Variants in PCDHGB5 observed in about 807,000 individuals in gnomAD.
PCDHGB5 encodes protocadherin gamma-B5.
Under a neutral mutation model 62.9 loss-of-function variants are expected in PCDHGB5, and 48 were observed. The observed-to-expected ratio is 0.76, with a 90% CI of 0.61 to 0.97. PCDHGB5 has a LOEUF of 0.97. Ranked by LOEUF, PCDHGB5 falls within the 50% of genes least tolerant of loss-of-function variation. The pLI is 0.00. For missense variants in PCDHGB5, 1,118 were observed against 1,198.6 expected (o/e 0.93, Z 0.99); for synonymous variants, 474 against 511.2 (o/e 0.93, Z 0.98).
chr5:141,422,928 C>T lies in PCDHGB5; in HGVS notation c.2397+22404C>T, dbSNP rs781145334. 4 of 1,614,128 alleles carry T rather than the reference C, an allele frequency of 2.5e-6. No individual in the cohort carries two copies. In the African/African-American group the frequency reaches 4.0e-5, roughly 16 times the overall value. On this transcript the variant is annotated intron_variant, in intron 1 of 3. Transcript: ENST00000617380. ...ATGCGCCCGAGATCCTGTACCCTGC[C>T]CTCCCCACAGACGGCTCCACTGGCG...
At chr5:141,405,440 GAC>G (rs1297950312) in intron 1 of PCDHGB5, 3 of 1,417,402 alleles carry the variant, frequency 2.1e-6, no homozygotes, top group Non-Finnish European at 2.9e-6. Flanking sequence ...TTGTTTTTGA[GAC>G]AGAGTCTTAC....
At chr5:141,434,763 C>T (rs2097714876) in intron 1 of PCDHGB5, among the ~76,000 whole-genome samples, 1 of 151,296 alleles carries the variant, frequency 6.6e-6, no homozygotes, top group South Asian at 2.1e-4. Flanking sequence ...TTCCCCACTT[C>T]ACACTTCTAA....
chr5:141,478,903 C>T lies in PCDHGB5; in HGVS notation c.2398-15904C>T. On this transcript the variant is annotated intron_variant, in intron 1 of 3. Transcript: ENST00000617380. Reference sequence around the variant, plus strand: ...TGGTATCATTTACATTAGGAATAAGCTGCTGGATACCTCTAACCAGTGGCA... The same window carrying T: ...TGGTATCATTTACATTAGGAATAAGTTGCTGGATACCTCTAACCAGTGGCA... 4.2e-6 allele frequency: 4 copies of T among 957,824 alleles called. No homozygotes were observed. The South Asian group carries it at 7.3e-5, about 18-fold the overall frequency. 59.3% of individuals were successfully genotyped at this position (957,824 alleles called of 1,614,324 possible). A position where few individuals can be genotyped will look rare whatever the true frequency, so the allele number is the denominator to read the frequency against.
Position 141,477,898 on chromosome 5 carries a change from A to G in PCDHGB5, c.2398-16909A>G. 1 of 1,614,158 alleles carries G rather than the reference A, an allele frequency of 6.2e-7. No homozygotes were observed. Among genetic ancestry groups the G allele is most frequent in the Middle Eastern group, 1.6e-4 (1 of 6,062 alleles). ...CTGGCCACCTAGTGTCACGGGTGGTAGGCTGGGACGCGGATGCAGGGCACA... is the reference window on the plus strand; with the variant it reads ...CTGGCCACCTAGTGTCACGGGTGGTGGGCTGGGACGCGGATGCAGGGCACA... On this transcript the variant is annotated intron_variant, in intron 1 of 3. Coordinates refer to ENST00000617380, the MANE Select transcript of PCDHGB5 (RefSeq NM_018925.3). This position sits in a 1 kb window ranked among gnomAD's most constrained non-coding sequence, Gnocchi z 4.9.
intron 1 of PCDHGB5, among the ~76,000 whole-genome samples, chr5:141,467,395 G>A (rs1197131223): frequency 6.6e-6 from 1 of 152,056 alleles, no homozygotes; most frequent in African/African-American, 2.4e-5. Flanking sequence ...TTAAGTCATA[G>A]TTAGAAAGCC....
intron 1 of PCDHGB5, chr5:141,404,402 A>T: frequency 6.2e-7 from 1 of 1,613,850 alleles, no homozygotes; most frequent in Non-Finnish European, 8.5e-7. Context: ...TAGCAATGAG[A>T]ATTCTAGAGT....
Position 141,490,486 on chromosome 5 carries a change from G to A in PCDHGB5, c.2398-4321G>A, listed in dbSNP as rs1187388706. The A allele has an allele frequency of 1.2e-6, 2 of 1,614,090 alleles. No individual in the cohort carries two copies. On this transcript the variant is annotated intron_variant, in intron 1 of 3. Transcript: ENST00000617380. The surrounding 1 kb of genome is among the most constrained non-coding windows in gnomAD (Gnocchi z 5.4). ...AACCAGCCAGCCTTTGGACCGGGAG[G>A]CCACATCCCACTATATCATCGAGCT...
intron 1 of PCDHGB5, among the ~76,000 whole-genome samples, chr5:141,402,328 A>G (rs1589453798): frequency 6.6e-6 from 1 of 152,000 alleles, no homozygotes; most frequent in Non-Finnish European, 1.5e-5. Context: ...ACATTTACAA[A>G]TATATAGGTA....
At chr5:141,428,097 C>T (rs2097109296) in intron 1 of PCDHGB5, 2 of 1,608,758 alleles carry the variant, frequency 1.2e-6, no homozygotes, top group African/African-American at 1.3e-5. Flanking sequence ...GCTGTCCTAC[C>T]ACGTGCTGCA....
At chr5:141,426,539 T>C in intron 1 of PCDHGB5, 2 of 347,388 alleles carry the variant, frequency 5.8e-6, no homozygotes, top group South Asian at 4.4e-5. Flanking sequence ...GGGAACATAC[T>C]TGTGAGTGAC....
rs116187844 is a variant in PCDHGB5, at chr5:141,424,198, C to T, written c.2397+23674C>T. The T allele has an allele frequency of 8.5e-3, 1,543 of 182,010 alleles. 28 individuals are homozygous for T. Among genetic ancestry groups the T allele is most frequent in the African/African-American group, 0.035 (1,445 of 41,852 alleles). The allele number at this position is 182,010 out of a possible 1,614,324, so 11.3% of individuals were successfully genotyped here. ...ATACACATGCACACACACTTATACA[C>T]GTAAGCTTTTCTCTGAGCAATTTTA... On this transcript the variant is annotated intron_variant, in intron 1 of 3. Coordinates refer to ENST00000617380, the MANE Select transcript of PCDHGB5 (RefSeq NM_018925.3).
chr5:141,416,223 A>AT, intron 1 of PCDHGB5: 1 of 152,302 alleles, frequency 6.6e-6, no homozygotes, highest in East Asian at 1.9e-4. Flanking sequence ...GTATGCTTAG[A>AT]TTTTTCCAGC....
At chr5:141,509,968 C>A (rs1450809995) in intron 3 of PCDHGB5, among the ~76,000 whole-genome samples, 1 of 152,166 alleles carries the variant, frequency 6.6e-6, no homozygotes, top group Non-Finnish European at 1.5e-5. Context: ...TGGCCTTGGT[C>A]CTTCTAACAC....
rs17097294 is a variant in PCDHGB5 at position 141,425,513 on chromosome 5, T to G, written c.2397+24989T>G. On this transcript the variant is annotated intron_variant, in intron 1 of 3. Coordinates refer to ENST00000617380, the MANE Select transcript of PCDHGB5 (RefSeq NM_018925.3). ...AGGCTATACCTTTATATTCTCTTTA[T>G]GATGAAACATGAAACAATAATCCTT... Among the ~76,000 whole-genome samples, 699 of 152,380 alleles carry G rather than the reference T, an allele frequency of 4.6e-3. 4 individuals carry two copies. The highest frequency in any genetic ancestry group is 0.015 in the African/African-American group (636 of 41,592).
chr5:141,475,167 G>T (rs529813171), intron 1 of PCDHGB5, among the ~76,000 whole-genome samples: 1 of 152,160 alleles, frequency 6.6e-6, no homozygotes, highest in Admixed American at 6.5e-5. Flanking sequence ...CATTAGCAGT[G>T]CAACTTCTTG....
intron 1 of PCDHGB5, among the ~76,000 whole-genome samples, chr5:141,407,771 A>G (rs1414886829): frequency 6.6e-6 from 1 of 152,246 alleles, no homozygotes; most frequent in East Asian, 1.9e-4. Context: ...GAAATTGTGC[A>G]TAATAGATTT....
rs1354740714 is a variant in PCDHGB5 at position 141,400,041 on chromosome 5, G to T, written c.1914G>T (p.Leu638=). 1.2e-6 allele frequency: 2 copies of T among 1,613,566 alleles called. No individual in the cohort carries two copies. Among genetic ancestry groups the T allele is most frequent in the South Asian group, 2.2e-5 (2 of 91,058 alleles). Residue 638 remains leucine, a synonymous_variant, in exon 1 of 4, where the codon CTG becomes CTT. Transcript: ENST00000617380. ...ACAGGGACGCGGCCCGCCAGCGCCTGCTGGTTGCTGTGCGTGATGGTGGAC... is the reference window on the plus strand; with the variant it reads ...ACAGGGACGCGGCCCGCCAGCGCCTTCTGGTTGCTGTGCGTGATGGTGGAC... The part of the protein sequence containing the change: ...LGDRDAARQR[L]LVAVRDGGQP...
intron 1 of PCDHGB5, among the ~76,000 whole-genome samples, chr5:141,436,175 A>G (rs1263518258): frequency 1.3e-5 from 2 of 152,192 alleles, no homozygotes; most frequent in Non-Finnish European, 2.9e-5. Flanking sequence ...CAGTTCTCAT[A>G]TATAGTCAAA....
intron 1 of PCDHGB5, among the ~76,000 whole-genome samples, chr5:141,455,902 TA>T (rs2098836291): frequency 6.7e-6 from 1 of 149,860 alleles, no homozygotes. Context: ...TTTATTTATT[TA>T]TTTATTTATT....
Sources: allele counts gnomAD v4.1 joint callset (sites outside exome capture counted in the v4.1 genomes callset), GRCh38; gene constraint gnomAD v4.1.1; non-coding constraint Gnocchi (gnomAD v3.1); transcripts MANE v1.5; gene names NCBI Gene and HGNC (gene_info 2026-07-23, HGNC 2026-07-21).